Variants in POLA1 observed in about 807,000 individuals in gnomAD.
POLA1 encodes the protein DNA polymerase alpha catalytic subunit.
In POLA1, 15 loss-of-function variants were observed where a neutral mutation model predicts 124.0. The ratio of observed to expected loss-of-function variants is 0.12; its 90% CI spans 0.08 to 0.19. The LOEUF (loss-of-function observed/expected upper bound fraction) is 0.19, where lower values mean the gene tolerates loss of function less well. POLA1 is among the 10% of genes least tolerant of loss of function. The probability of loss-of-function intolerance (pLI) is 1.00; values close to 1 mark genes in which losing one functional copy is unlikely to be tolerated. For synonymous variants in POLA1, 408 were observed against 389.4 expected (o/e 1.05, Z -0.56); for missense variants, 886 against 1,103.4 (o/e 0.80, Z 2.79).
intron 26 of POLA1, among the ~76,000 whole-genome samples, chrX:24,771,320 G>T (rs891910593): frequency 5.4e-5 from 6 of 111,337 alleles, no homozygotes; most frequent in African/African-American, 9.8e-5. Context: ...AGAAACAAAA[G>T]ATCAGTCAGA....
intron 33 of POLA1, among the ~76,000 whole-genome samples, chrX:24,842,220 CTAAG>C (rs1042363338): frequency 2.7e-5 from 3 of 112,020 alleles, no homozygotes; most frequent in Non-Finnish European, 3.8e-5. Flanking sequence ...TTACTGGGAA[CTAAG>C]TGTTTTGGGA....
chrX:24,925,909 C>T (rs1223295480), intron 35 of POLA1, among the ~76,000 whole-genome samples: 3 of 111,277 alleles, frequency 2.7e-5, no homozygotes, highest in Non-Finnish European at 5.6e-5. Flanking sequence ...AGAAGAAATG[C>T]GTGACTGCTA....
At chrX:24,746,914 C>G (rs772202876) in intron 24 of POLA1, among the ~76,000 whole-genome samples, 1 of 111,636 alleles carries the variant, frequency 9.0e-6, no homozygotes, top group Non-Finnish European at 1.9e-5. Context: ...ATGTGCCTGG[C>G]TTTTTTCTTT....
At chrX:24,781,447 A>T (rs979772584) in intron 26 of POLA1, among the ~76,000 whole-genome samples, 1 of 112,005 alleles carries the variant, frequency 8.9e-6, no homozygotes, top group African/African-American at 3.3e-5. Flanking sequence ...GCTTTGCTGC[A>T]GTGAAAGTGT....
At chrX:24,756,213 A>T (rs1316087360) in intron 26 of POLA1, among the ~76,000 whole-genome samples, 1 of 111,889 alleles carries the variant, frequency 8.9e-6, no homozygotes, top group Non-Finnish European at 1.9e-5. Flanking sequence ...AAATAGAGGA[A>T]ATTACACTAA....
At chrX:24,778,133 T>C (rs1347187357) in intron 26 of POLA1, among the ~76,000 whole-genome samples, 1 of 112,470 alleles carries the variant, frequency 8.9e-6, no homozygotes, top group Admixed American at 9.4e-5. Flanking sequence ...TGATTTGTTA[T>C]TCGGATTTAC....
At chrX:24,831,086 A>G (rs1235538406) in intron 32 of POLA1, among the ~76,000 whole-genome samples, 1 of 111,915 alleles carries the variant, frequency 8.9e-6, no homozygotes, top group Non-Finnish European at 1.9e-5. Context: ...TTGGAAAGCA[A>G]AAATTTCCTT....
intron 34 of POLA1, 56 bp from the exon 35 acceptor site, chrX:24,887,950 G>A (rs2147138855): frequency 1.4e-6 from 1 of 720,084 alleles, no homozygotes; most frequent in East Asian, 3.2e-5. Flanking sequence ...CCAAAAAAAG[G>A]TTTATTACTT....
At chrX:24,804,344 A>G (rs181601176) in intron 26 of POLA1, among the ~76,000 whole-genome samples, 1 of 111,556 alleles carries the variant, frequency 9.0e-6, no homozygotes, top group African/African-American at 3.2e-5. Flanking sequence ...TGCTTAGGTA[A>G]TGGTTGGATT....
intron 1 of POLA1, among the ~76,000 whole-genome samples, chrX:24,698,484 G>C (rs1261720277): frequency 1.8e-5 from 2 of 111,117 alleles, no homozygotes; most frequent in Non-Finnish European, 3.8e-5. Context: ...CCCTCAATCT[G>C]TTCCTTCTTT....
intron 4 of POLA1, among the ~76,000 whole-genome samples, chrX:24,709,366 C>T (rs1176254574): frequency 1.0e-4 from 10 of 97,729 alleles, no homozygotes; most frequent in Non-Finnish European, 1.5e-4. Context: ...CCCTCCCGGA[C>T]AGCACGGCTG....
intron 36 of POLA1, among the ~76,000 whole-genome samples, chrX:24,981,357 C>G (rs1468063001): frequency 1.8e-5 from 2 of 112,080 alleles, no homozygotes; most frequent in Admixed American, 1.9e-4. Context: ...ACCTTCCCCC[C>G]TCCAGCCCCA....
At chrX:24,854,660 C>G (rs1236625298) in intron 34 of POLA1, among the ~76,000 whole-genome samples, 1 of 110,174 alleles carries the variant, frequency 9.1e-6, no homozygotes, top group Non-Finnish European at 1.9e-5. Flanking sequence ...CGAAACCTGT[C>G]TCTACTAAAA....
At position 24,814,957 on chromosome X, in the gene POLA1, GTTT is replaced by G. The variant is rs749255466; in HGVS notation, c.3297-7_3297-5del. The G allele has an allele frequency of 6.6e-4, 560 of 850,189 alleles. No individual in the cohort carries two copies. The highest frequency in any genetic ancestry group is 1.4e-3 in the Middle Eastern group (4 of 2,955). 70.1% of individuals were successfully genotyped at this position (850,189 alleles called of 1,213,427 possible). Reference sequence around the variant, plus strand: ...AAAAATCAACTGCTGTCTTTGTTTTGTTTTTTTTTTTTTTTTTGCAGCTTTGTG... The same window carrying G: ...AAAAATCAACTGCTGTCTTTGTTTTGTTTTTTTTTTTTTTGCAGCTTTGTG... On this transcript the variant is annotated intron_variant, in intron 29 of 36. Coordinates refer to ENST00000379068, the MANE Select transcript of POLA1 (RefSeq NM_001330360.2).
chrX:24,892,572 A>G (rs2047154948), intron 35 of POLA1, among the ~76,000 whole-genome samples: 1 of 112,089 alleles, frequency 8.9e-6, no homozygotes. Flanking sequence ...GAATCCCTCC[A>G]CAGAGGATTC....
intron 32 of POLA1, among the ~76,000 whole-genome samples, chrX:24,832,734 A>C (rs1233612817): frequency 1.8e-5 from 2 of 112,161 alleles, no homozygotes; most frequent in Admixed American, 1.9e-4. Context: ...CATTGTACAC[A>C]TACACGTACA....
intron 26 of POLA1, among the ~76,000 whole-genome samples, chrX:24,802,902 G>A (rs2045739964): frequency 1.8e-5 from 2 of 111,847 alleles, no homozygotes; most frequent in South Asian, 3.8e-4. Flanking sequence ...GGAGGCTGAG[G>A]CAGGAGAATT....
intron 26 of POLA1, among the ~76,000 whole-genome samples, chrX:24,781,922 A>C (rs1247505142): frequency 8.9e-6 from 1 of 112,008 alleles, no homozygotes; most frequent in Non-Finnish European, 1.9e-5. Flanking sequence ...TTCAAATTAA[A>C]AAATGCTAGA....
chrX:24,856,813 GT>G (rs1280275758), intron 34 of POLA1, among the ~76,000 whole-genome samples: 2 of 108,748 alleles, frequency 1.8e-5, no homozygotes, highest in Non-Finnish European at 3.8e-5. Flanking sequence ...AGTGTCCCAA[GT>G]TTTCCCCCAT....
Sources: allele counts gnomAD v4.1 joint callset (sites outside exome capture counted in the v4.1 genomes callset), GRCh38; gene constraint gnomAD v4.1.1; transcripts MANE v1.5; gene names NCBI Gene and HGNC (gene_info 2026-07-23, HGNC 2026-07-21).